THSD7B: variants seen among roughly 807,000 people sequenced by gnomAD.
THSD7B encodes thrombospondin type-1 domain-containing protein 7B.
In THSD7B, 138 loss-of-function variants were observed where a neutral mutation model predicts 213.6. That is an observed-to-expected ratio of 0.65 (90% CI 0.56 to 0.74). The LOEUF (loss-of-function observed/expected upper bound fraction) is 0.74, where lower values mean the gene tolerates loss of function less well. Ranked by LOEUF, THSD7B falls within the 30% of genes least tolerant of loss-of-function variation. The pLI, the probability that THSD7B is intolerant of heterozygous loss-of-function variation, is 0.00. For synonymous variants in THSD7B, 742 were observed against 687.0 expected (o/e 1.08, Z -1.25); for missense variants, 1,931 against 1,991.5 (o/e 0.97, Z 0.58).
rs201880134 is a variant in THSD7B at position 137,356,081 on chromosome 2, T to A, written c.2501-49532T>A. 2.6e-5 allele frequency among the ~76,000 whole-genome samples: 4 copies of A among 152,240 alleles called. No individual in the cohort carries two copies. The East Asian group carries it at 7.8e-4, about 30-fold the overall frequency. Reference sequence around the variant, plus strand: ...GCTCTGCTGTGGCAGTCCTGTATCATTCACTGGCATCAACTATCACTAAGA... The same window carrying A: ...GCTCTGCTGTGGCAGTCCTGTATCAATCACTGGCATCAACTATCACTAAGA... On this transcript the variant is annotated intron_variant, in intron 12 of 27. Coordinates refer to ENST00000409968, the MANE Select transcript of THSD7B (RefSeq NM_001316349.2).
intron 12 of THSD7B, among the ~76,000 whole-genome samples, chr2:137,333,376 A>T (rs1259872522): frequency 1.3e-5 from 2 of 152,078 alleles, no homozygotes; most frequent in African/African-American, 2.4e-5. Context: ...TCTTTCAATA[A>T]TTTTTCCTTT....
chr2:137,280,595 C>T (rs555252143), intron 12 of THSD7B, among the ~76,000 whole-genome samples: 95 of 152,238 alleles, frequency 6.2e-4, no homozygotes, highest in African/African-American at 1.5e-3. Context: ...AGCGTCTACA[C>T]CATCTCCAGA....
chr2:137,666,537 T>TTC (rs144985774), intron 26 of THSD7B, among the ~76,000 whole-genome samples: 1 of 145,814 alleles, frequency 6.9e-6, no homozygotes, highest in Non-Finnish European at 1.5e-5. Flanking sequence ...TTGATTGATT[T>TTC]CCCCCCCCCA....
At chr2:136,940,603 G>C (rs1208814390) in intron 2 of THSD7B, among the ~76,000 whole-genome samples, 1 of 151,544 alleles carries the variant, frequency 6.6e-6, no homozygotes, top group Admixed American at 6.6e-5. Context: ...TGTTGCCCAG[G>C]CTGGTCTTGA....
At chr2:137,185,019 G>A (rs1680524772) in intron 7 of THSD7B, among the ~76,000 whole-genome samples, 1 of 151,910 alleles carries the variant, frequency 6.6e-6, no homozygotes, top group Non-Finnish European at 1.5e-5. Context: ...CATTCTCTCA[G>A]GTATCACAAC....
At chr2:137,636,177 T>C (rs1682829897) in intron 20 of THSD7B, among the ~76,000 whole-genome samples, 1 of 152,168 alleles carries the variant, frequency 6.6e-6, no homozygotes, top group Non-Finnish European at 1.5e-5. Flanking sequence ...TTACAGAACC[T>C]TTGCCCAGTC....
At chr2:137,497,243 T>A (rs1679591085) in intron 15 of THSD7B, among the ~76,000 whole-genome samples, 1 of 151,778 alleles carries the variant, frequency 6.6e-6, no homozygotes, top group Non-Finnish European at 1.5e-5. Context: ...TAGATCTCAC[T>A]TTAATCCTCT....
chr2:137,421,736 A>T (rs1303924206), intron 14 of THSD7B, among the ~76,000 whole-genome samples: 1 of 152,180 alleles, frequency 6.6e-6, no homozygotes, highest in East Asian at 1.9e-4. Context: ...GGAGAAGATT[A>T]GAGTCCTGCC....
chr2:137,058,937 T>G (rs1687219307), intron 3 of THSD7B, among the ~76,000 whole-genome samples: 1 of 152,188 alleles, frequency 6.6e-6, no homozygotes, highest in East Asian at 1.9e-4. Context: ...TTTCTGTTGT[T>G]TTTTAAGCCA....
At chr2:137,094,645 G>A (rs927527679) in intron 3 of THSD7B, among the ~76,000 whole-genome samples, 12 of 151,948 alleles carry the variant, frequency 7.9e-5, no homozygotes, top group African/African-American at 2.9e-4. Flanking sequence ...CATCTTAGAT[G>A]TGTATCTTGC....
chr2:137,229,503 T>C (rs1681590389), intron 7 of THSD7B, among the ~76,000 whole-genome samples: 1 of 152,186 alleles, frequency 6.6e-6, no homozygotes, highest in Non-Finnish European at 1.5e-5. Flanking sequence ...GCTTTATTTG[T>C]ACCTCAAGGG....
intron 15 of THSD7B, among the ~76,000 whole-genome samples, chr2:137,475,232 G>A (rs1332712236): frequency 6.6e-6 from 1 of 152,008 alleles, no homozygotes; most frequent in Non-Finnish European, 1.5e-5. Context: ...TTTATTTATG[G>A]GTTACATATA....
At chr2:137,468,313 A>C (rs1370668739) in intron 15 of THSD7B, among the ~76,000 whole-genome samples, 1 of 152,164 alleles carries the variant, frequency 6.6e-6, no homozygotes, top group Non-Finnish European at 1.5e-5. Context: ...CAGAGGGATG[A>C]TACATTCAGA....
At chr2:136,990,606 C>T (rs1044759883) in intron 2 of THSD7B, among the ~76,000 whole-genome samples, 7 of 152,056 alleles carry the variant, frequency 4.6e-5, no homozygotes, top group South Asian at 2.1e-4. Flanking sequence ...ACTAATTACT[C>T]GTGATGGAGG....
At chr2:137,004,120 A>G (rs1421754296) in intron 2 of THSD7B, among the ~76,000 whole-genome samples, 1 of 152,192 alleles carries the variant, frequency 6.6e-6, no homozygotes, top group Non-Finnish European at 1.5e-5. Context: ...ATATTAATTG[A>G]TACTTGTCTA....
chr2:137,100,495 A>T (rs1408092169), intron 4 of THSD7B, among the ~76,000 whole-genome samples: 2 of 152,072 alleles, frequency 1.3e-5, no homozygotes, highest in Non-Finnish European at 2.9e-5. Flanking sequence ...CCAGAACACG[A>T]CAATCGTGTC....
chr2:136,869,915 T>C lies in THSD7B; in HGVS notation c.-35-12229T>C, dbSNP rs142527627. On this transcript the variant is annotated intron_variant, in intron 1 of 27. Transcript: ENST00000409968. ...GGTGAAACTCCATCTATACTAAAAA[T>C]ACAAAAATTAGCCAGGCATGGTGGC... Among the ~76,000 whole-genome samples the C allele has an allele frequency of 6.2e-4, 94 of 152,068 alleles. 1 individual carries two copies. The highest frequency in any genetic ancestry group is 1.0e-3 in the Non-Finnish European group (71 of 67,980).
intron 7 of THSD7B, among the ~76,000 whole-genome samples, chr2:137,190,371 G>A (rs535248077): frequency 2.6e-5 from 4 of 152,124 alleles, no homozygotes; most frequent in South Asian, 2.1e-4. Context: ...CTTGAAGAAC[G>A]GAAGCAAGTT....
intron 21 of THSD7B, among the ~76,000 whole-genome samples, chr2:137,652,481 A>C (rs1430758354): frequency 6.6e-6 from 1 of 152,050 alleles, no homozygotes; most frequent in Non-Finnish European, 1.5e-5. Flanking sequence ...TGTAGACAGT[A>C]TATACTTGGG....
Sources: allele counts gnomAD v4.1 joint callset (sites outside exome capture counted in the v4.1 genomes callset), GRCh38; gene constraint gnomAD v4.1.1; transcripts MANE v1.5; gene names NCBI Gene and HGNC (gene_info 2026-07-23, HGNC 2026-07-21).